The following TMC8 variants were observed in gnomAD, a reference collection of about 807,000 sequenced individuals.
The protein encoded by TMC8 is transmembrane channel-like protein 8.
TMC8 carries 71 observed loss-of-function variants against 76.0 expected under a neutral mutation model. The observed-to-expected ratio is 0.93, with a 90% CI of 0.77 to 1.14. The LOEUF is 1.14. Among genes scored for constraint, TMC8 ranks in the 50% most tolerant of loss-of-function variants. The pLI is 0.00. For missense variants in TMC8, 924 were observed against 947.9 expected (o/e 0.97, Z 0.33); for synonymous variants, 433 against 433.8 (o/e 1.00, Z 0.02).
At chr17:78,139,563 G>A (rs574888695) in intron 15 of TMC8, among the ~76,000 whole-genome samples, 2 of 151,754 alleles carry the variant, frequency 1.3e-5, no homozygotes, top group South Asian at 2.1e-4. Context: ...GCAAGACCCT[G>A]GTCTCCACCA....
chr17:78,134,698 G>C, intron 8 of TMC8, 134 bp downstream of exon 8: 1 of 1,508,006 alleles, frequency 6.6e-7, no homozygotes, highest in Non-Finnish European at 9.0e-7. Context: ...GGCCAAGGCA[G>C]GCGGGCTCCC....
At chr17:78,132,614 G>C (rs1488284755) in intron 4 of TMC8, 106 bp downstream of exon 4, 3 of 1,519,886 alleles carry the variant, frequency 2.0e-6, no homozygotes, top group Non-Finnish European at 2.7e-6. Context: ...TGGTCCTGCC[G>C]TGCAGGCCCC....
intron 8 of TMC8, 23 bp from the exon 9 acceptor site, chr17:78,134,847 C>G: frequency 1.2e-6 from 2 of 1,613,246 alleles, no homozygotes; most frequent in South Asian, 2.2e-5. Flanking sequence ...ACGCGGGCTC[C>G]CCTGACCTGC....
intron 4 of TMC8, 136 bp from the exon 5 acceptor site, chr17:78,132,652 G>A (rs1360911825): frequency 6.0e-6 from 9 of 1,493,098 alleles, no homozygotes; most frequent in Admixed American, 1.8e-5. Flanking sequence ...ACCTCGCCTT[G>A]TGTGGGGCAC....
At chr17:78,133,602 C>T in intron 6 of TMC8, 60 bp downstream of exon 6, 1 of 1,601,362 alleles carries the variant, frequency 6.2e-7, no homozygotes, top group South Asian at 1.1e-5. Flanking sequence ...ATCACCCCTT[C>T]CTTGGCAGGG....
At chr17:78,132,529 G>A (rs759882777) in intron 4 of TMC8, 21 bp downstream of exon 4, 17 of 1,602,964 alleles carry the variant, frequency 1.1e-5, no homozygotes, top group Middle Eastern at 1.7e-4. Flanking sequence ...GGCCCACCAG[G>A]GGAAGTGCTC....
intron 8 of TMC8, 49 bp from the exon 9 acceptor site, chr17:78,134,821 A>T: frequency 6.2e-7 from 1 of 1,610,498 alleles, no homozygotes; most frequent in East Asian, 2.2e-5. Flanking sequence ...CGGGGAGCAG[A>T]CAGGGGCCCC....
intron 14 of TMC8, 68 bp downstream of exon 14, chr17:78,138,800 G>T (rs982261663): frequency 6.3e-7 from 1 of 1,592,518 alleles, no homozygotes; most frequent in Non-Finnish European, 8.5e-7. Context: ...CCATGGGGGT[G>T]GTGAGCCTGT....
chr17:78,132,665 C>A, intron 4 of TMC8, 123 bp from the exon 5 acceptor site: 1 of 1,498,424 alleles, frequency 6.7e-7, no homozygotes. Flanking sequence ...TGGGGCACGC[C>A]TTTGGCACAT....
intron 5 of TMC8, 93 bp from the exon 6 acceptor site, chr17:78,133,313 G>A: frequency 1.3e-6 from 2 of 1,593,650 alleles, no homozygotes; most frequent in South Asian, 2.2e-5. Flanking sequence ...CCTGATGGGG[G>A]GATTGCACGG....
rs928548750 is a variant in TMC8, at chr17:78,131,536, A to C, written c.-53A>C. The C allele has an allele frequency of 2.0e-6, 3 of 1,534,788 alleles. No homozygotes were observed. In the Admixed American group the frequency reaches 5.9e-5, roughly 30 times the overall value. On this transcript the variant is annotated 5_prime_UTR_variant, in exon 2 of 16. Coordinates refer to ENST00000318430, the MANE Select transcript of TMC8 (RefSeq NM_152468.5). ...TTAAGGCTCATCCAACCGGGGACTC[A>C]TATCCCCCCCACCGGCAGCCCGGCG... is the stretch of plus-strand genomic sequence containing the variant.
intron 6 of TMC8, 43 bp downstream of exon 6, chr17:78,133,585 T>C (rs749932466): frequency 1.9e-6 from 3 of 1,604,492 alleles, no homozygotes; most frequent in Non-Finnish European, 1.7e-6. Flanking sequence ...CCAGGGAATC[T>C]TCCCTGATCA....
chr17:78,135,017 C>T lies in TMC8; in HGVS notation c.1127+8C>T, dbSNP rs752101990. Reference sequence around the variant, plus strand: ...CAACCTCACTCTGATCTGGTGAGTGCCACCCTTGGTGGGGACAAGTGGGCA... The same window carrying T: ...CAACCTCACTCTGATCTGGTGAGTGTCACCCTTGGTGGGGACAAGTGGGCA... On this transcript the variant is annotated splice_region_variant and intron_variant, in intron 9 of 15. Coordinates refer to ENST00000318430, the MANE Select transcript of TMC8 (RefSeq NM_152468.5). 5 of 1,613,754 alleles carry T rather than the reference C, an allele frequency of 3.1e-6. No homozygotes were observed. The highest frequency in any genetic ancestry group is 2.5e-6 in the Non-Finnish European group (3 of 1,179,942).
In TMC8 at chr17:78,139,383, C is replaced by G. The variant is rs149766459; in HGVS notation, c.1902+143C>G. Reference sequence around the variant, plus strand: ...CGTGGCCTCAGGCTGAGAGTGAAGACGGGGAAGGGGAGGAAGAGAACAGCT... The same window carrying G: ...CGTGGCCTCAGGCTGAGAGTGAAGAGGGGGAAGGGGAGGAAGAGAACAGCT... On this transcript the variant is annotated intron_variant, in intron 15 of 15. Coordinates refer to ENST00000318430, the MANE Select transcript of TMC8 (RefSeq NM_152468.5). 17 of 883,660 alleles carry G rather than the reference C, an allele frequency of 1.9e-5. No individual in the cohort carries two copies. In the East Asian group the frequency reaches 3.2e-4, roughly 16 times the overall value. The allele number at this position is 883,660 out of a possible 1,614,324, so 54.7% of individuals were successfully genotyped here.
intron 15 of TMC8, among the ~76,000 whole-genome samples, chr17:78,139,795 G>A (rs1030368844): frequency 2.0e-5 from 3 of 151,344 alleles, no homozygotes; most frequent in Non-Finnish European, 4.4e-5. Context: ...CACTTTGGGA[G>A]GCCGAGGTGA....
Position 78,141,053 on chromosome 17 carries a change from C to G in TMC8, c.2122C>G (p.Gln708Glu). 6.3e-7 allele frequency: 1 copy of G among 1,599,270 alleles called. No individual in the cohort carries two copies. Among genetic ancestry groups the G allele is most frequent in the Non-Finnish European group, 8.5e-7 (1 of 1,174,388 alleles). ...GGGACTGCGTTCCCCTTGCCCTGGA[C>G]AGCACGGTGCCCCGGCCTCCGCCCG... ...AAGLRSPCPG[Q>E]HGAPASARRF... Residue 708 changes from glutamine (Q) to glutamate (E), a missense_variant, in exon 16 of 16, where the codon CAG becomes GAG. Transcript: ENST00000318430.
At chr17:78,131,808 G>A in intron 2 of TMC8, 71 bp downstream of exon 2, 1 of 1,517,708 alleles carries the variant, frequency 6.6e-7, no homozygotes, top group Non-Finnish European at 8.8e-7. Flanking sequence ...GATGGTGTGG[G>A]AGCACCCCGT....
chr17:78,134,261 A>G (rs781446575), intron 7 of TMC8, 133 bp from the exon 8 acceptor site: 9 of 1,177,956 alleles, frequency 7.6e-6, no homozygotes, highest in Non-Finnish European at 1.1e-5. Context: ...CTATGGGAGC[A>G]TGACAGTGTG....
At chr17:78,139,329 G>A (rs1443981797) in intron 15 of TMC8, 89 bp downstream of exon 15, 9 of 1,452,138 alleles carry the variant, frequency 6.2e-6, no homozygotes, top group Admixed American at 3.5e-5. Flanking sequence ...ACGTCTGAGC[G>A]GGTCAGGTGG....
Sources: allele counts gnomAD v4.1 joint callset (sites outside exome capture counted in the v4.1 genomes callset), GRCh38; gene constraint gnomAD v4.1.1; transcripts MANE v1.5; gene names NCBI Gene and HGNC (gene_info 2026-07-23, HGNC 2026-07-21).